Variants in GHR observed in about 807,000 individuals in gnomAD.
GHR encodes the protein growth hormone receptor, also known as GH receptor.
Under a neutral mutation model 67.1 loss-of-function variants are expected in GHR, and 35 were observed. That is an observed-to-expected ratio of 0.52 (90% CI 0.40 to 0.69). The LOEUF (loss-of-function observed/expected upper bound fraction) is 0.69, where lower values mean the gene tolerates loss of function less well. Ranked by LOEUF, GHR falls within the 30% of genes least tolerant of loss-of-function variation. The pLI, the probability that GHR is intolerant of heterozygous loss-of-function variation, is 0.00. For synonymous variants in GHR, 272 were observed against 269.1 expected (o/e 1.01, Z -0.10); for missense variants, 792 against 764.6 (o/e 1.04, Z -0.42).
intron 3 of GHR, among the ~76,000 whole-genome samples, chr5:42,666,685 C>T (rs944616929): frequency 6.6e-6 from 1 of 152,134 alleles, no homozygotes; most frequent in African/African-American, 2.4e-5. Flanking sequence ...GCTCTTATTG[C>T]TCAGAATGTG....
chr5:42,494,717 G>T (rs1163436611), intron 1 of GHR, among the ~76,000 whole-genome samples: 1 of 152,096 alleles, frequency 6.6e-6, no homozygotes, highest in Admixed American at 6.5e-5. Context: ...CTAATCCTTA[G>T]CTAGGTTGAT....
chr5:42,425,260 A>G (rs192728709), intron 1 of GHR, among the ~76,000 whole-genome samples: 4 of 152,258 alleles, frequency 2.6e-5, no homozygotes, highest in East Asian at 1.9e-4. Context: ...GGTTGGAGCT[A>G]TGAATTTGAA....
At chr5:42,491,711 A>G (rs1489523264) in intron 1 of GHR, among the ~76,000 whole-genome samples, 1 of 152,218 alleles carries the variant, frequency 6.6e-6, no homozygotes, top group African/African-American at 2.4e-5. Flanking sequence ...GAAAGGCACA[A>G]TCAGAGAATT....
At chr5:42,659,200 A>G (rs1755426542) in intron 3 of GHR, 1 of 152,186 alleles carries the variant, frequency 6.6e-6, no homozygotes, top group Non-Finnish European at 1.5e-5. Context: ...CTCATTTTAC[A>G]CAGGGGAAAA....
At chr5:42,695,111 C>T in intron 5 of GHR, 22 bp downstream of exon 5, 1 of 1,552,118 alleles carries the variant, frequency 6.4e-7, no homozygotes, top group Non-Finnish European at 8.9e-7. Flanking sequence ...GTTTTTGTTT[C>T]ATTTGACATA....
At chr5:42,583,897 A>ATATATATATATATATATATATATATAT (rs759855239) in intron 2 of GHR, among the ~76,000 whole-genome samples, 8 of 149,400 alleles carry the variant, frequency 5.4e-5, no homozygotes, top group East Asian at 3.9e-4. Flanking sequence ...ATATATATAT[A>ATATATATATATATATATATATATATAT]AATTCTTACA....
chr5:42,700,058 C>T, intron 6 of GHR, 56 bp downstream of exon 6: 1 of 1,051,632 alleles, frequency 9.5e-7, no homozygotes. Flanking sequence ...AACAAACTCT[C>T]TCTCATTTAT....
intron 6 of GHR, among the ~76,000 whole-genome samples, chr5:42,703,550 T>C (rs556218894): frequency 6.6e-6 from 1 of 152,056 alleles, no homozygotes; most frequent in South Asian, 2.1e-4. Context: ...TGCAGTTGCA[T>C]ACAAATTTTA....
chr5:42,469,133 T>G (rs1289378010), intron 1 of GHR, among the ~76,000 whole-genome samples: 4 of 152,244 alleles, frequency 2.6e-5, no homozygotes, highest in Admixed American at 2.0e-4. Context: ...GAGAGACAGT[T>G]TGGAAACTTG....
At chr5:42,695,205 A>G in intron 5 of GHR, 116 bp downstream of exon 5, 1 of 755,906 alleles carries the variant, frequency 1.3e-6, no homozygotes. Flanking sequence ...CTATAGATAC[A>G]TGGAGATCTG....
In GHR at chr5:42,575,771, C is replaced by T. The variant is rs1048973068; in HGVS notation, c.70+9827C>T. 3.3e-5 allele frequency among the ~76,000 whole-genome samples: 5 copies of T among 150,064 alleles called. No individual in the cohort carries two copies. In the East Asian group the frequency reaches 7.8e-4, roughly 23 times the overall value. On this transcript the variant is annotated intron_variant, in intron 2 of 9. Coordinates refer to ENST00000230882, the MANE Select transcript of GHR (RefSeq NM_000163.5). ...TAAAGAGGGGCTGGGCGCGATGGCTCATGCCTGTAATCCCAGCACTTTGGG... is the reference window on the plus strand; with the variant it reads ...TAAAGAGGGGCTGGGCGCGATGGCTTATGCCTGTAATCCCAGCACTTTGGG...
chr5:42,659,718 A>C (rs1468950254), intron 3 of GHR, among the ~76,000 whole-genome samples: 1 of 152,138 alleles, frequency 6.6e-6, no homozygotes, highest in Non-Finnish European at 1.5e-5. Flanking sequence ...CATCTGAGCT[A>C]CTGCATTCAT....
Position 42,719,728 on chromosome 5 carries a change from T to A in GHR, c.*304T>A. ...TTTGATACTAAGCATTGAATGGCTA[T>A]GTTTTTAATGTATAGTAAATCACGC... On this transcript the variant is annotated 3_prime_UTR_variant, in exon 10 of 10. Transcript: ENST00000230882. 1 of 383,184 alleles carries A rather than the reference T, an allele frequency of 2.6e-6. No individual in the cohort carries two copies. The highest frequency in any genetic ancestry group is 5.0e-6 in the Non-Finnish European group (1 of 201,856). The allele number at this position is 383,184 out of a possible 1,614,324, so 23.7% of individuals were successfully genotyped here.
At chr5:42,546,525 C>G (rs1407173999) in intron 1 of GHR, among the ~76,000 whole-genome samples, 2 of 152,162 alleles carry the variant, frequency 1.3e-5, no homozygotes, top group Non-Finnish European at 2.9e-5. Flanking sequence ...CAGTTAGCTG[C>G]AAGGTTGGCT....
intron 1 of GHR, among the ~76,000 whole-genome samples, chr5:42,506,051 A>G (rs917345572): frequency 1.3e-5 from 2 of 152,160 alleles, no homozygotes; most frequent in Non-Finnish European, 2.9e-5. Flanking sequence ...ATAAAACATC[A>G]ATATTTATTT....
intron 7 of GHR, among the ~76,000 whole-genome samples, chr5:42,713,121 C>T (rs972463021): frequency 2.0e-5 from 3 of 151,820 alleles, no homozygotes; most frequent in African/African-American, 4.8e-5. Flanking sequence ...TATGATACTC[C>T]CTGGACACAT....
At chr5:42,612,680 A>T (rs913317303) in intron 2 of GHR, among the ~76,000 whole-genome samples, 2 of 152,194 alleles carry the variant, frequency 1.3e-5, no homozygotes, top group South Asian at 2.1e-4. Context: ...AAAGGGCATG[A>T]TGTATTTTTG....
intron 1 of GHR, among the ~76,000 whole-genome samples, chr5:42,476,948 T>G (rs973708015): frequency 6.6e-6 from 1 of 152,142 alleles, no homozygotes; most frequent in East Asian, 1.9e-4. Flanking sequence ...TTGTTACATA[T>G]GTATACATGT....
At chr5:42,675,846 A>G (rs1449331492) in intron 3 of GHR, among the ~76,000 whole-genome samples, 1 of 152,206 alleles carries the variant, frequency 6.6e-6, no homozygotes, top group African/African-American at 2.4e-5. Context: ...TTTCCCAGAC[A>G]CTACAGAGCT....
Sources: gnomAD v4.1 joint callset for allele counts (sites outside exome capture counted in the v4.1 genomes callset) on GRCh38, gnomAD v4.1.1 for gene constraint, MANE v1.5 for transcripts, NCBI Gene and HGNC (gene_info 2026-07-23, HGNC 2026-07-21) for gene names.